The following PRKCA variants were observed in gnomAD, a reference collection of about 807,000 sequenced individuals.
The protein encoded by PRKCA is protein kinase C alpha.
A neutral mutation model predicts 87.0 loss-of-function variants in PRKCA; 27 were observed. That is an observed-to-expected ratio of 0.31 (90% CI 0.23 to 0.43). The LOEUF (loss-of-function observed/expected upper bound fraction) is 0.43, where lower values mean the gene tolerates loss of function less well. Among genes scored for constraint, PRKCA ranks in the 20% least tolerant of loss-of-function variants. The pLI is 1.00. For missense variants in PRKCA, 518 were observed against 852.3 expected, an observed-to-expected ratio of 0.61 and a Z score of 4.88; for synonymous variants, 329 against 311.1, an observed-to-expected ratio of 1.06 and a Z score of -0.61.
intron 2 of PRKCA, among the ~76,000 whole-genome samples, chr17:66,331,586 G>A: frequency 6.6e-6 from 1 of 152,114 alleles, no homozygotes; most frequent in East Asian, 1.9e-4. Flanking sequence ...AGAACCTAAG[G>A]CCGGATCTTT....
In PRKCA at chr17:66,302,744, CG is replaced by C; in HGVS notation, c.-107del. 2.2e-6 allele frequency: 2 copies of C among 888,954 alleles called. No individual in the cohort carries two copies. The highest frequency in any genetic ancestry group is 2.8e-6 in the Non-Finnish European group (2 of 721,518). The allele number at this position is 888,954 out of a possible 1,614,324, so 55.1% of individuals were successfully genotyped here. ...CGACCTCGGCCACCGGCCCGCGCCC[CG>C]CGCCCGGGGTCGCCCCGAGCCCGCA... On this transcript the variant is annotated 5_prime_UTR_variant, in exon 1 of 17. Transcript: ENST00000413366.
intron 8 of PRKCA, among the ~76,000 whole-genome samples, chr17:66,710,802 G>C (rs1464050994): frequency 6.6e-6 from 1 of 152,052 alleles, no homozygotes; most frequent in Non-Finnish European, 1.5e-5. Context: ...GGCCGAGGCA[G>C]GTGGATCACC....
chr17:66,373,994 G>A (rs1598623021), intron 2 of PRKCA, among the ~76,000 whole-genome samples: 1 of 152,262 alleles, frequency 6.6e-6, no homozygotes, highest in Non-Finnish European at 1.5e-5. Context: ...TGCTGCAGTG[G>A]GGGTTTGAGG....
intron 2 of PRKCA, chr17:66,416,195 AGCT>A: frequency 6.6e-6 from 1 of 152,354 alleles, no homozygotes. Context: ...CTGATAGACT[AGCT>A]GCTGCTGGTG....
At chr17:66,770,195 A>G (rs1199611682) in intron 13 of PRKCA, among the ~76,000 whole-genome samples, 4 of 152,238 alleles carry the variant, frequency 2.6e-5, no homozygotes, top group Non-Finnish European at 4.4e-5. Context: ...TCATTTGTTC[A>G]TTCATGCATC....
Position 66,326,969 on chromosome 17 carries a change from A to G in PRKCA, c.205+20842A>G, listed in dbSNP as rs980508091. Among the ~76,000 whole-genome samples, 8 of 152,310 alleles carry G rather than the reference A, an allele frequency of 5.3e-5. No individual in the cohort carries two copies. The South Asian group carries it at 1.7e-3, about 32-fold the overall frequency. On this transcript the variant is annotated intron_variant, in intron 2 of 16. Coordinates refer to ENST00000413366, the MANE Select transcript of PRKCA (RefSeq NM_002737.3). The stretch of plus-strand genomic sequence containing the variant: ...TATAGTTCCAGCTACTCAGGAGGCC[A>G]AGATGGGGGGAATCACTTGAGCCCT...
chr17:66,390,548 T>C (rs1164785611), intron 2 of PRKCA, among the ~76,000 whole-genome samples: 4 of 152,178 alleles, frequency 2.6e-5, no homozygotes, highest in African/African-American at 9.7e-5. Flanking sequence ...TGCGGTTATT[T>C]TCTGGAAAAT....
intron 3 of PRKCA, among the ~76,000 whole-genome samples, chr17:66,509,172 GTGTGTA>G (rs1162721256): frequency 2.5e-5 from 3 of 122,406 alleles, no homozygotes; most frequent in East Asian, 2.5e-4. Context: ...ACGTGTGTGT[GTGTGTA>G]TGTGTGTGTG....
intron 2 of PRKCA, among the ~76,000 whole-genome samples, chr17:66,369,545 A>G (rs758948500): frequency 1.3e-5 from 2 of 152,160 alleles, no homozygotes; most frequent in African/African-American, 2.4e-5. Context: ...ATAAGCTTGA[A>G]ATTTTTTAAC....
intron 14 of PRKCA, among the ~76,000 whole-genome samples, chr17:66,781,636 C>G (rs1343620511): frequency 1.3e-5 from 2 of 152,006 alleles, no homozygotes; most frequent in Non-Finnish European, 1.5e-5. Context: ...CATGAGATGC[C>G]TAGAGTAGTC....
intron 16 of PRKCA, among the ~76,000 whole-genome samples, chr17:66,797,511 G>A (rs192998874): frequency 2.6e-5 from 4 of 152,200 alleles, no homozygotes; most frequent in Admixed American, 6.5e-5. Context: ...TGCTTGCTTC[G>A]CAGGGTGTAC....
At chr17:66,638,729 T>A (rs2143786112) in intron 3 of PRKCA, among the ~76,000 whole-genome samples, 1 of 152,156 alleles carries the variant, frequency 6.6e-6, no homozygotes, top group African/African-American at 2.4e-5. Context: ...GTGCCTGTAG[T>A]CCCAGCTACT....
chr17:66,456,827 C>T (rs1000384237), intron 2 of PRKCA, among the ~76,000 whole-genome samples: 5 of 152,298 alleles, frequency 3.3e-5, no homozygotes, highest in South Asian at 2.1e-4. Flanking sequence ...CTAAGGAGCC[C>T]GTACTAGCCT....
At chr17:66,766,981 A>C (rs184369829) in intron 13 of PRKCA, among the ~76,000 whole-genome samples, 79 of 152,228 alleles carry the variant, frequency 5.2e-4, no homozygotes, top group African/African-American at 1.9e-3. Flanking sequence ...CTTTCCAATA[A>C]ATCATCTTAA....
intron 3 of PRKCA, among the ~76,000 whole-genome samples, chr17:66,550,828 C>T (rs577559819): frequency 6.6e-5 from 10 of 152,272 alleles, no homozygotes; most frequent in African/African-American, 2.2e-4. Flanking sequence ...GTCTTTCTTG[C>T]AAAGAGCTTG....
intron 2 of PRKCA, among the ~76,000 whole-genome samples, chr17:66,438,502 C>A (rs1182447175): frequency 6.6e-6 from 1 of 152,154 alleles, no homozygotes; most frequent in Non-Finnish European, 1.5e-5. Flanking sequence ...TTTGAAAACT[C>A]TGTTGAGTTG....
intron 11 of PRKCA, 61 bp downstream of exon 11, chr17:66,738,916 C>CA: frequency 8.3e-7 from 1 of 1,198,728 alleles, no homozygotes. Flanking sequence ...CTGGAAACTT[C>CA]CTTTTTTCCC....
At chr17:66,459,397 G>A (rs1281283028) in intron 2 of PRKCA, among the ~76,000 whole-genome samples, 2 of 152,098 alleles carry the variant, frequency 1.3e-5, no homozygotes, top group Non-Finnish European at 2.9e-5. Context: ...CAAAACACAT[G>A]ATGAATACGC....
chr17:66,800,182 C>A (rs1975868498), intron 16 of PRKCA, among the ~76,000 whole-genome samples: 1 of 152,224 alleles, frequency 6.6e-6, no homozygotes, highest in Non-Finnish European at 1.5e-5. Context: ...GAAAAGCTTT[C>A]ATTTGTTAAA....
Sources: gnomAD v4.1 joint callset for allele counts (sites outside exome capture counted in the v4.1 genomes callset) on GRCh38, gnomAD v4.1.1 for gene constraint, MANE v1.5 for transcripts, NCBI Gene and HGNC (gene_info 2026-07-23, HGNC 2026-07-21) for gene names.